ZMAT3: variants seen among roughly 807,000 people sequenced by gnomAD.
ZMAT3 encodes the protein zinc finger matrin-type protein 3.
In ZMAT3, 17 loss-of-function variants were observed where a neutral mutation model predicts 32.3. The observed-to-expected ratio is 0.53, with a 90% CI of 0.36 to 0.79. The LOEUF is 0.79. ZMAT3 is among the 30% of genes least tolerant of loss of function. ZMAT3 has a pLI of 0.00. For synonymous variants in ZMAT3, 120 were observed against 133.1 expected (o/e 0.90, Z 0.68); for missense variants, 329 against 359.7 (o/e 0.91, Z 0.69).
chr3:179,055,759 T>A (rs1434290463), intron 2 of ZMAT3, among the ~76,000 whole-genome samples: 1 of 152,152 alleles, frequency 6.6e-6, no homozygotes, highest in East Asian at 1.9e-4. Context: ...TGATCTGACA[T>A]GGAGAGATAT....
At chr3:179,041,044 T>C (rs1719894664) in intron 2 of ZMAT3, among the ~76,000 whole-genome samples, 1 of 152,150 alleles carries the variant, frequency 6.6e-6, no homozygotes, top group Non-Finnish European at 1.5e-5. Flanking sequence ...ATCCTAAATA[T>C]ATATGCACCC....
intron 2 of ZMAT3, among the ~76,000 whole-genome samples, chr3:179,047,401 T>G (rs1720298748): frequency 6.6e-6 from 1 of 152,144 alleles, no homozygotes; most frequent in African/African-American, 2.4e-5. Flanking sequence ...TCTACCCAAA[T>G]GAGGAAGAAC....
chr3:179,064,186 A>G (rs776738926), intron 2 of ZMAT3, among the ~76,000 whole-genome samples: 1 of 152,248 alleles, frequency 6.6e-6, no homozygotes, highest in Non-Finnish European at 1.5e-5. Context: ...AATCACAGTG[A>G]TTTATCACTT....
intron 3 of ZMAT3, 32 bp from the exon 4 acceptor site, chr3:179,027,844 T>TA (rs762349562): frequency 1.0e-5 from 16 of 1,569,002 alleles, no homozygotes; most frequent in East Asian, 4.5e-5. Flanking sequence ...GAAACAAAGT[T>TA]AAAAAAAATA....
intron 2 of ZMAT3, among the ~76,000 whole-genome samples, chr3:179,056,869 C>T (rs1453620391): frequency 2.0e-5 from 3 of 152,144 alleles, no homozygotes; most frequent in African/African-American, 7.2e-5. Flanking sequence ...GCCTGAAAGC[C>T]CCACTCCTTT....
At chr3:179,049,401 T>C (rs1392760203) in intron 2 of ZMAT3, among the ~76,000 whole-genome samples, 1 of 152,210 alleles carries the variant, frequency 6.6e-6, no homozygotes, top group African/African-American at 2.4e-5. Context: ...TTCTTCAAGG[T>C]AGACCATATG....
At chr3:179,028,421 C>CA (rs896503201) in intron 3 of ZMAT3, among the ~76,000 whole-genome samples, 2 of 151,684 alleles carry the variant, frequency 1.3e-5, no homozygotes, top group African/African-American at 2.4e-5. Context: ...ATTAGGTTAA[C>CA]AAAAAAAATG....
In ZMAT3 at chr3:179,067,545, G is replaced by T. The variant is rs1721478548; in HGVS notation, c.208C>A (p.Leu70Met). ...DCALEELCKPLYCKLCNVTLN... is the reference protein window; with the variant it reads ...DCALEELCKPMYCKLCNVTLN... ...GTGACATTGCAGAGTTTGCAGTACA[G>T]GGGCTTACATAGCTCCTCCAGGGCA... Residue 70 changes from leucine (L) to methionine (M), a missense_variant, in exon 2 of 6, where the codon CTG becomes ATG. Leu to Met is a conservative substitution (Grantham distance 15, BLOSUM62 2). Coordinates refer to ENST00000311417, the MANE Select transcript of ZMAT3 (RefSeq NM_022470.4). The T allele has an allele frequency of 1.2e-6, 2 of 1,614,204 alleles. No individual in the cohort carries two copies. Among genetic ancestry groups the T allele is most frequent in the Admixed American group, 3.3e-5 (2 of 60,020 alleles).
At chr3:179,038,817 C>T (rs987777133) in intron 2 of ZMAT3, among the ~76,000 whole-genome samples, 5 of 152,164 alleles carry the variant, frequency 3.3e-5, no homozygotes, top group Admixed American at 6.5e-5. Flanking sequence ...CAAGAGAAGC[C>T]GTGACGGACT....
At chr3:179,061,194 C>A (rs911764343) in intron 2 of ZMAT3, among the ~76,000 whole-genome samples, 2 of 152,094 alleles carry the variant, frequency 1.3e-5, no homozygotes, top group African/African-American at 4.8e-5. Context: ...AGTGGTAAGT[C>A]CAAAGCTGAC....
chr3:179,063,451 T>C (rs1371828632), intron 2 of ZMAT3, among the ~76,000 whole-genome samples: 2 of 152,236 alleles, frequency 1.3e-5, no homozygotes, highest in African/African-American at 4.8e-5. Flanking sequence ...TCATGGTAGG[T>C]TGCTATCTGG....
intron 1 of ZMAT3, among the ~76,000 whole-genome samples, chr3:179,069,856 GA>G (rs1191466559): frequency 1.3e-5 from 2 of 151,986 alleles, no homozygotes; most frequent in Non-Finnish European, 2.9e-5. Context: ...ATATCTCTGG[GA>G]ACATAAAAGA....
chr3:179,042,909 A>G (rs1423581279), intron 2 of ZMAT3, among the ~76,000 whole-genome samples: 2 of 152,240 alleles, frequency 1.3e-5, no homozygotes, highest in African/African-American at 4.8e-5. Context: ...AAAAATCACA[A>G]GCACTCCTAT....
At chr3:179,071,034 C>CA (rs970618245) in intron 1 of ZMAT3, among the ~76,000 whole-genome samples, 1 of 151,958 alleles carries the variant, frequency 6.6e-6, no homozygotes, top group Admixed American at 6.6e-5. Flanking sequence ...GAGCATTACT[C>CA]AGAGGTCATC....
chr3:179,030,810 C>T (rs1054970230), intron 3 of ZMAT3, 70 bp downstream of exon 3: 2 of 1,540,028 alleles, frequency 1.3e-6, no homozygotes, highest in African/African-American at 2.8e-5. Flanking sequence ...CGACAAATGT[C>T]ATCTATAACC....
chr3:179,041,813 T>C (rs1328592876), intron 2 of ZMAT3, among the ~76,000 whole-genome samples: 1 of 149,716 alleles, frequency 6.7e-6, no homozygotes, highest in Non-Finnish European at 1.5e-5. Flanking sequence ...TTTTAAAAGA[T>C]CAACAAAATT....
chr3:179,041,645 T>C (rs747078167), intron 2 of ZMAT3, among the ~76,000 whole-genome samples: 3 of 152,096 alleles, frequency 2.0e-5, no homozygotes, highest in Non-Finnish European at 2.9e-5. Flanking sequence ...AGATCTAAAA[T>C]TGACACCCTA....
chr3:179,038,466 T>A (rs2108552483), intron 2 of ZMAT3, among the ~76,000 whole-genome samples: 1 of 152,262 alleles, frequency 6.6e-6, no homozygotes, highest in South Asian at 2.1e-4. Flanking sequence ...TGGTCCCAGC[T>A]GCTGGGAGCA....
rs1718451962 is a variant in ZMAT3, at chr3:179,019,761, A to G, written c.*5256T>C. On this transcript the variant is annotated 3_prime_UTR_variant, in exon 6 of 6. Transcript: ENST00000311417. ...TGAAGATGCTTCATTTAATATAGAA[A>G]TGAACTAACACAATTAATAATTATT... 1 of 151,946 alleles carries G rather than the reference A, an allele frequency of 6.6e-6. No homozygotes were observed. The highest frequency in any genetic ancestry group is 2.4e-5 in the African/African-American group (1 of 41,220). The allele number at this position is 151,946 out of a possible 1,614,324, so 9.4% of individuals were successfully genotyped here.
Sources: allele counts gnomAD v4.1 joint callset (sites outside exome capture counted in the v4.1 genomes callset), GRCh38; gene constraint gnomAD v4.1.1; transcripts MANE v1.5; gene names NCBI Gene and HGNC (gene_info 2026-07-23, HGNC 2026-07-21).